TMPRSS11F: variants seen among roughly 807,000 people sequenced by gnomAD.
TMPRSS11F encodes transmembrane protease serine 11F.
In TMPRSS11F, 47 loss-of-function variants were observed where a neutral mutation model predicts 60.2. The ratio of observed to expected loss-of-function variants is 0.78; its 90% CI spans 0.62 to 1.00. TMPRSS11F has a LOEUF of 1.00. TMPRSS11F is among the 50% of genes least tolerant of loss of function. The probability of loss-of-function intolerance (pLI) is 0.00; values close to 1 mark genes in which losing one functional copy is unlikely to be tolerated. For missense variants in TMPRSS11F, 519 were observed against 522.9 expected (o/e 0.99, Z 0.07); for synonymous variants, 166 against 167.3 (o/e 0.99, Z 0.06).
chr4:68,103,935 C>T (rs980290427), intron 1 of TMPRSS11F, among the ~76,000 whole-genome samples: 1 of 151,724 alleles, frequency 6.6e-6, no homozygotes, highest in Non-Finnish European at 1.5e-5. Context: ...GAATTGTTTT[C>T]TTCATTTATT....
At chr4:68,092,962 T>C (rs1384034129) in intron 2 of TMPRSS11F, among the ~76,000 whole-genome samples, 1 of 152,318 alleles carries the variant, frequency 6.6e-6, no homozygotes, top group East Asian at 1.9e-4. Flanking sequence ...TATGTTAATG[T>C]TGAACTTTTG....
chr4:68,072,284 G>A (rs12501405), intron 5 of TMPRSS11F, 39 bp downstream of exon 5: 283,065 of 1,240,230 alleles, frequency 0.23, 33,768 homozygotes, highest in Admixed American at 0.48. Context: ...TGTAAGAGGA[G>A]GGAATGACAA....
At chr4:68,096,700 G>A (rs1223720661) in intron 2 of TMPRSS11F, among the ~76,000 whole-genome samples, 3 of 152,146 alleles carry the variant, frequency 2.0e-5, no homozygotes, top group Non-Finnish European at 4.4e-5. Context: ...TGCACTGAAA[G>A]CCGATCATTC....
chr4:68,055,214 C>T (rs905899562), intron 9 of TMPRSS11F, among the ~76,000 whole-genome samples: 27 of 152,262 alleles, frequency 1.8e-4, no homozygotes, highest in African/African-American at 6.5e-4. Flanking sequence ...TGTAGAGCCT[C>T]ATAGGTCTTG....
At chr4:68,104,233 T>C (rs1243969201) in intron 1 of TMPRSS11F, among the ~76,000 whole-genome samples, 1 of 152,206 alleles carries the variant, frequency 6.6e-6, no homozygotes, top group Admixed American at 6.6e-5. Flanking sequence ...TGGAAATGCA[T>C]TCAGTTTTTC....
chr4:68,114,796 A>G (rs1257559215), intron 1 of TMPRSS11F, among the ~76,000 whole-genome samples: 1 of 151,896 alleles, frequency 6.6e-6, no homozygotes, highest in Non-Finnish European at 1.5e-5. Flanking sequence ...AAGAGTGCCT[A>G]AAACCAATAT....
At chr4:68,066,706 C>A (rs886704256) in intron 7 of TMPRSS11F, among the ~76,000 whole-genome samples, 1 of 152,108 alleles carries the variant, frequency 6.6e-6, no homozygotes, top group Non-Finnish European at 1.5e-5. Context: ...GAGGCTGAGG[C>A]GGGCGGATCA....
chr4:68,095,895 CA>C (rs56309846), intron 2 of TMPRSS11F, among the ~76,000 whole-genome samples: 23,971 of 81,804 alleles, frequency 0.29, 1,309 homozygotes, highest in East Asian at 0.44. Flanking sequence ...GATTCCATCT[CA>C]AAAAAAAAAA....
chr4:68,129,737 G>C (rs757394649), intron 1 of TMPRSS11F, 73 bp downstream of exon 1: 3 of 1,410,368 alleles, frequency 2.1e-6, no homozygotes, highest in Non-Finnish European at 3.0e-6. Context: ...GCCAACATCT[G>C]TACTACCTGT....
At chr4:68,056,851 T>C (rs1366413657) in intron 9 of TMPRSS11F, among the ~76,000 whole-genome samples, 7 of 152,146 alleles carry the variant, frequency 4.6e-5, no homozygotes, top group Non-Finnish European at 1.0e-4. Context: ...CATCAACTAA[T>C]GGAATAGAAT....
rs1723419038 is a variant in TMPRSS11F, at chr4:68,070,003, A to G, written c.519T>C (p.Ile173=). Residue 173 remains isoleucine, a synonymous_variant, in exon 6 of 10, where the codon ATT becomes ATC. Transcript: ENST00000356291. ...INKPSFRLTP[I]DSKKMRNLLN... is the part of the protein sequence containing the mutation. ...GAAGATTCCTCATCTTTTTGCTGTC[A>G]ATAGCTGGAATAAGCAAAACATGAA... 9 of 1,603,368 alleles carry G rather than the reference A, an allele frequency of 5.6e-6. No individual in the cohort carries two copies. The highest frequency in any genetic ancestry group is 6.8e-6 in the Non-Finnish European group (8 of 1,174,422).
At chr4:68,071,820 C>T (rs1045735906) in intron 5 of TMPRSS11F, among the ~76,000 whole-genome samples, 1 of 152,154 alleles carries the variant, frequency 6.6e-6, no homozygotes, top group Non-Finnish European at 1.5e-5. Context: ...TAGAGAACCT[C>T]TTTACAGTTC....
At chr4:68,092,184 AAAAC>A (rs1723957639) in intron 2 of TMPRSS11F, among the ~76,000 whole-genome samples, 1 of 149,514 alleles carries the variant, frequency 6.7e-6, no homozygotes, top group South Asian at 2.2e-4. Context: ...TTAAATGTTA[AAAAC>A]AAACATTCAT....
At chr4:68,097,592 CA>C (rs11341365) in intron 2 of TMPRSS11F, among the ~76,000 whole-genome samples, 56,300 of 151,866 alleles carry the variant, frequency 0.37, 12,664 homozygotes, top group Non-Finnish European at 0.52. Context: ...CAGATTCTAA[CA>C]ATTAGGACAT....
chr4:68,124,093 C>A (rs1724670947), intron 1 of TMPRSS11F, among the ~76,000 whole-genome samples: 1 of 151,670 alleles, frequency 6.6e-6, no homozygotes, highest in Non-Finnish European at 1.5e-5. Flanking sequence ...CGGTGGTGCA[C>A]GCCTGTAATC....
intron 3 of TMPRSS11F, among the ~76,000 whole-genome samples, chr4:68,082,622 C>T (rs1237222178): frequency 2.6e-5 from 4 of 152,232 alleles, no homozygotes; most frequent in Non-Finnish European, 1.5e-5. Flanking sequence ...CATATCTGCT[C>T]CCCAAGCAGA....
intron 8 of TMPRSS11F, 102 bp downstream of exon 8, chr4:68,064,583 C>T (rs1317445443): frequency 1.5e-6 from 2 of 1,342,542 alleles, no homozygotes; most frequent in African/African-American, 1.5e-5. Flanking sequence ...ACTGGAAAGA[C>T]CATTACTTTT....
chr4:68,066,799 T>C, intron 7 of TMPRSS11F, among the ~76,000 whole-genome samples: 1 of 151,910 alleles, frequency 6.6e-6, no homozygotes, highest in East Asian at 1.9e-4. Context: ...CTGGGCGCGG[T>C]GGCGGGCGCT....
At chr4:68,082,333 G>A (rs966879211) in intron 3 of TMPRSS11F, among the ~76,000 whole-genome samples, 2 of 152,138 alleles carry the variant, frequency 1.3e-5, no homozygotes, top group Admixed American at 6.5e-5. Context: ...TGCCTGCATG[G>A]ACCCCAGAGG....
Sources: gnomAD v4.1 joint callset for allele counts (sites outside exome capture counted in the v4.1 genomes callset) on GRCh38, gnomAD v4.1.1 for gene constraint, MANE v1.5 for transcripts, NCBI Gene and HGNC (gene_info 2026-07-23, HGNC 2026-07-21) for gene names.